Variants in ARID1B observed in about 807,000 individuals in gnomAD.
ARID1B encodes the protein AT-rich interactive domain-containing protein 1B.
ARID1B carries 30 observed loss-of-function variants against 212.3 expected under a neutral mutation model. The observed-to-expected ratio is 0.14, with a 90% CI of 0.11 to 0.19. The LOEUF is 0.19. Ranked by LOEUF, ARID1B falls within the 10% of genes least tolerant of loss-of-function variation. ARID1B has a pLI of 1.00. For synonymous variants in ARID1B, 1,402 were observed against 1,301.7 expected, an observed-to-expected ratio of 1.08 and a Z score of -1.66; for missense variants, 2,891 against 3,204.0, an observed-to-expected ratio of 0.90 and a Z score of 2.36.
chr6:156,944,689 G>A (rs1665637735), intron 4 of ARID1B, among the ~76,000 whole-genome samples: 1 of 152,058 alleles, frequency 6.6e-6, no homozygotes. Flanking sequence ...AGGCCCTAAG[G>A]GCATGTATCT....
chr6:156,866,243 CT>C (rs1346074638), intron 2 of ARID1B, among the ~76,000 whole-genome samples: 2 of 152,172 alleles, frequency 1.3e-5, no homozygotes, highest in African/African-American at 2.4e-5. Flanking sequence ...TGAGGAGCCC[CT>C]CTTTTGCTCT....
chr6:156,821,222 A>G (rs1363146752), intron 1 of ARID1B, among the ~76,000 whole-genome samples: 1 of 152,178 alleles, frequency 6.6e-6, no homozygotes, highest in Non-Finnish European at 1.5e-5. Context: ...AGTGTCTGAT[A>G]GGAGATGGGG....
At chr6:157,171,101 G>C (rs1299588330) in intron 9 of ARID1B, among the ~76,000 whole-genome samples, 2 of 152,220 alleles carry the variant, frequency 1.3e-5, no homozygotes. Flanking sequence ...GAGTGTTGAA[G>C]TTCGGTTTGA....
chr6:157,040,054 A>G lies in ARID1B; in HGVS notation c.2248-44608A>G, dbSNP rs71578598. On this transcript the variant is annotated intron_variant, in intron 4 of 19. Coordinates refer to ENST00000636930, the MANE Select transcript of ARID1B (RefSeq NM_001374828.1). ...AACCTCTGCCTTCCAGGTTCAAGCA[A>G]TTCTCCTGCCTCAGCCTCCTGAGTA... 2.5e-3 allele frequency among the ~76,000 whole-genome samples: 382 copies of G among 151,806 alleles called. 2 individuals are homozygous for G. Among genetic ancestry groups the G allele is most frequent in the Non-Finnish European group, 4.4e-3 (301 of 67,972 alleles).
At chr6:156,919,576 T>A (rs1216059182) in intron 3 of ARID1B, among the ~76,000 whole-genome samples, 1 of 152,244 alleles carries the variant, frequency 6.6e-6, no homozygotes, top group Non-Finnish European at 1.5e-5. Flanking sequence ...GTTGGGCAGC[T>A]GCTTAGCCCA....
In ARID1B at chr6:156,994,145, G is replaced by A. The variant is rs59883710; in HGVS notation, c.2247+58569G>A. ...GTACATTTTAAGAATACTTGATGCA[G>A]TGAGGGTAGAAATAGTGACTGATTT... is the stretch of plus-strand genomic sequence containing the variant. On this transcript the variant is annotated intron_variant, in intron 4 of 19. Coordinates refer to ENST00000636930, the MANE Select transcript of ARID1B (RefSeq NM_001374828.1). 9.8e-3 allele frequency among the ~76,000 whole-genome samples: 1,489 copies of A among 152,320 alleles called. 35 individuals carry two copies. Among genetic ancestry groups the A allele is most frequent in the African/African-American group, 0.033 (1,383 of 41,568 alleles).
chr6:157,018,085 T>A (rs1780014381), intron 4 of ARID1B, among the ~76,000 whole-genome samples: 1 of 151,938 alleles, frequency 6.6e-6, no homozygotes, highest in African/African-American at 2.4e-5. Context: ...TGAGTCATGA[T>A]AGTGCCATGG....
At chr6:156,843,120 C>T (rs1583145790) in intron 2 of ARID1B, among the ~76,000 whole-genome samples, 1 of 152,186 alleles carries the variant, frequency 6.6e-6, no homozygotes, top group African/African-American at 2.4e-5. Flanking sequence ...CATAGTGCCT[C>T]CCACCCCATT....
intron 4 of ARID1B, among the ~76,000 whole-genome samples, chr6:157,039,167 TC>T (rs1781528700): frequency 6.6e-6 from 1 of 152,036 alleles, no homozygotes; most frequent in South Asian, 2.1e-4. Flanking sequence ...TAGCCACTGC[TC>T]CTGACCTCAT....
chr6:157,082,349 T>C (rs1475039374), intron 4 of ARID1B, among the ~76,000 whole-genome samples: 1 of 152,192 alleles, frequency 6.6e-6, no homozygotes, highest in Non-Finnish European at 1.5e-5. Context: ...TTTTCAACTT[T>C]GCAGCCCCTG....
intron 4 of ARID1B, among the ~76,000 whole-genome samples, chr6:156,985,901 G>A (rs1356252818): frequency 6.6e-6 from 1 of 152,116 alleles, no homozygotes; most frequent in African/African-American, 2.4e-5. Flanking sequence ...TGGGTTTGTT[G>A]GATGGGAATT....
At chr6:157,026,282 T>C (rs1211632731) in intron 4 of ARID1B, among the ~76,000 whole-genome samples, 1 of 152,216 alleles carries the variant, frequency 6.6e-6, no homozygotes. Context: ...ATCACTCATA[T>C]TTTCTTTTTC....
chr6:157,091,678 ATTTAACCCAT>A (rs1289467618), intron 5 of ARID1B, among the ~76,000 whole-genome samples: 1 of 152,188 alleles, frequency 6.6e-6, no homozygotes, highest in Non-Finnish European at 1.5e-5. Context: ...TCTCTCTTTC[ATTTAACCCAT>A]TTCTCCTGGA....
intron 4 of ARID1B, among the ~76,000 whole-genome samples, chr6:157,040,234 G>A (rs920137069): frequency 2.0e-5 from 3 of 152,156 alleles, no homozygotes; most frequent in South Asian, 2.1e-4. Context: ...CACTGTGCTC[G>A]GCCAGAATTA....
chr6:156,970,672 T>C (rs1408017847), intron 4 of ARID1B, among the ~76,000 whole-genome samples: 1 of 152,232 alleles, frequency 6.6e-6, no homozygotes, highest in Admixed American at 6.5e-5. Context: ...CTGTGGGTCA[T>C]TGGAAAAGGA....
At chr6:156,809,222 A>G (rs1781394681) in intron 1 of ARID1B, among the ~76,000 whole-genome samples, 2 of 152,170 alleles carry the variant, frequency 1.3e-5, no homozygotes, top group South Asian at 4.1e-4. Context: ...CTCCTGATTA[A>G]GAGGAAGTTA....
intron 1 of ARID1B, among the ~76,000 whole-genome samples, chr6:156,804,789 G>A (rs1355451711): frequency 7.8e-6 from 1 of 128,650 alleles, no homozygotes; most frequent in African/African-American, 2.9e-5. Context: ...AACGTATCAT[G>A]AAAAGATTAC....
chr6:157,042,063 A>C (rs1781920128), intron 4 of ARID1B, among the ~76,000 whole-genome samples: 1 of 152,168 alleles, frequency 6.6e-6, no homozygotes, highest in Admixed American at 6.5e-5. Flanking sequence ...TCCTCTTCAC[A>C]GACAGGCAGT....
intron 1 of ARID1B, among the ~76,000 whole-genome samples, chr6:156,809,620 T>C (rs902891996): frequency 6.7e-6 from 1 of 149,482 alleles, no homozygotes; most frequent in African/African-American, 2.5e-5. Context: ...ATAGAATTAC[T>C]GGGTTAGATG....
Sources: allele counts gnomAD v4.1 joint callset (sites outside exome capture counted in the v4.1 genomes callset), GRCh38; gene constraint gnomAD v4.1.1; transcripts MANE v1.5; gene names NCBI Gene and HGNC (gene_info 2026-07-23, HGNC 2026-07-21).